ARHGAP28: variants seen among roughly 807,000 people sequenced by gnomAD.
ARHGAP28 encodes Rho GTPase activating protein 28.
ARHGAP28 carries 56 observed loss-of-function variants against 90.7 expected under a neutral mutation model. That is an observed-to-expected ratio of 0.62 (90% CI 0.50 to 0.77). The LOEUF is 0.77. ARHGAP28 is among the 30% of genes least tolerant of loss of function. The pLI is 0.00. For synonymous variants in ARHGAP28, 308 were observed against 323.3 expected (o/e 0.95, Z 0.51); for missense variants, 869 against 900.9 (o/e 0.96, Z 0.45).
At chr18:6,884,686 G>A (rs184907765) in intron 11 of ARHGAP28, among the ~76,000 whole-genome samples, 108 of 152,208 alleles carry the variant, frequency 7.1e-4, no homozygotes, top group Non-Finnish European at 1.1e-3. Flanking sequence ...ATCCTTCGCC[G>A]TGTTACCCCA....
intron 1 of ARHGAP28, among the ~76,000 whole-genome samples, chr18:6,770,787 TG>T (rs1418197765): frequency 3.3e-5 from 5 of 149,970 alleles, no homozygotes; most frequent in South Asian, 4.3e-4. Context: ...GTGTGGGAGG[TG>T]GGGGGTGGGG....
chr18:6,898,643 A>G (rs1364278300), intron 16 of ARHGAP28: 2 of 1,516,384 alleles, frequency 1.3e-6, no homozygotes, highest in Non-Finnish European at 1.8e-6. Context: ...AGTTACATAT[A>G]CTACAAAACT....
At chr18:6,882,860 T>G (rs988877631) in intron 11 of ARHGAP28, among the ~76,000 whole-genome samples, 1 of 152,166 alleles carries the variant, frequency 6.6e-6, no homozygotes, top group African/African-American at 2.4e-5. Flanking sequence ...TTAAGTGAAG[T>G]ATGTGGGCAA....
Position 6,735,946 on chromosome 18 carries a change from TA to T in ARHGAP28, c.122+6005del, listed in dbSNP as rs1292587825. ...CGGGTATGCGACGTTGACATCTTAC[TA>T]ACGTTGGTGTTAGGTTTGATCTTCG... On this transcript the variant is annotated intron_variant, in intron 1 of 17. Transcript: ENST00000383472. Among the ~76,000 whole-genome samples, 3 of 152,202 alleles carry T rather than the reference TA, an allele frequency of 2.0e-5. No homozygotes were observed. In the East Asian group the frequency reaches 5.8e-4, roughly 29 times the overall value.
intron 1 of ARHGAP28, among the ~76,000 whole-genome samples, chr18:6,749,743 A>G (rs1038975955): frequency 9.8e-5 from 15 of 152,302 alleles, no homozygotes; most frequent in African/African-American, 3.6e-4. Context: ...AGGCCTTGGT[A>G]TAGATGACAT....
intron 1 of ARHGAP28, among the ~76,000 whole-genome samples, chr18:6,738,688 C>G (rs1037122202): frequency 6.6e-6 from 1 of 152,070 alleles, no homozygotes; most frequent in Non-Finnish European, 1.5e-5. Flanking sequence ...CACTACAACA[C>G]AAAAATTTAT....
chr18:6,870,872 C>A (rs2057080389), intron 7 of ARHGAP28, 140 bp downstream of exon 7: 4 of 845,404 alleles, frequency 4.7e-6, no homozygotes, highest in South Asian at 1.9e-5. Flanking sequence ...GCGATCTCGG[C>A]TCACTGCAAG....
Position 6,800,247 on chromosome 18 carries a change from T to A in ARHGAP28, c.123-24515T>A, listed in dbSNP as rs554302262. 5.9e-5 allele frequency among the ~76,000 whole-genome samples: 9 copies of A among 152,348 alleles called. 1 individual carries two copies. In the South Asian group the frequency reaches 1.9e-3, roughly 32 times the overall value. ...AGGATGTGGAGAAATAGGAACACTTTTACACTGTTGGTGGGAGTGTAAATT... is the reference window on the plus strand; with the variant it reads ...AGGATGTGGAGAAATAGGAACACTTATACACTGTTGGTGGGAGTGTAAATT... On this transcript the variant is annotated intron_variant, in intron 1 of 17. Coordinates refer to ENST00000383472, the MANE Select transcript of ARHGAP28 (RefSeq NM_001366230.1).
chr18:6,839,778 T>C (rs1255306469), intron 3 of ARHGAP28, among the ~76,000 whole-genome samples: 1 of 152,210 alleles, frequency 6.6e-6, no homozygotes, highest in African/African-American at 2.4e-5. Context: ...AAAGGAAAAC[T>C]TTGTTTCCTA....
At chr18:6,785,621 T>C (rs1372211491) in intron 1 of ARHGAP28, among the ~76,000 whole-genome samples, 1 of 152,234 alleles carries the variant, frequency 6.6e-6, no homozygotes, top group African/African-American at 2.4e-5. Context: ...CCCTGGTATG[T>C]TGTAACCCTT....
chr18:6,761,079 G>A (rs1054783025), intron 1 of ARHGAP28, among the ~76,000 whole-genome samples: 3 of 151,246 alleles, frequency 2.0e-5, no homozygotes, highest in African/African-American at 4.9e-5. Context: ...TATATTATAC[G>A]ATTCCCTTTA....
intron 2 of ARHGAP28, among the ~76,000 whole-genome samples, chr18:6,825,682 C>T (rs756384965): frequency 9.2e-5 from 14 of 152,048 alleles, no homozygotes; most frequent in Non-Finnish European, 1.3e-4. Context: ...GTTTAGTGCC[C>T]GCTTACAAGT....
chr18:6,783,880 A>G (rs2056346466), intron 1 of ARHGAP28, among the ~76,000 whole-genome samples: 1 of 152,038 alleles, frequency 6.6e-6, no homozygotes, highest in African/African-American at 2.4e-5. Context: ...ACCCTGGCCT[A>G]CTGCTCCTGT....
chr18:6,837,096 A>G, intron 2 of ARHGAP28, 101 bp from the exon 3 acceptor site: 1 of 879,834 alleles, frequency 1.1e-6, no homozygotes, highest in South Asian at 1.8e-5. Flanking sequence ...TGTAGAAAAA[A>G]AATACAAATA....
chr18:6,860,943 C>T (rs1317196761), intron 5 of ARHGAP28, among the ~76,000 whole-genome samples: 1 of 152,230 alleles, frequency 6.6e-6, no homozygotes, highest in Non-Finnish European at 1.5e-5. Context: ...TCAGCTCTTA[C>T]TTTCCCATTC....
intron 5 of ARHGAP28, among the ~76,000 whole-genome samples, chr18:6,863,931 C>T (rs150884366): frequency 0.036 from 5,473 of 151,902 alleles, 314 homozygotes; most frequent in African/African-American, 0.12. Flanking sequence ...TACAGATGCC[C>T]GCCACCACAC....
intron 1 of ARHGAP28, among the ~76,000 whole-genome samples, chr18:6,772,467 C>A (rs1478212003): frequency 2.0e-5 from 3 of 152,166 alleles, no homozygotes; most frequent in African/African-American, 7.2e-5. Context: ...GACATGTGTT[C>A]TGTAGAGACC....
chr18:6,798,989 A>G lies in ARHGAP28; in HGVS notation c.123-25773A>G, dbSNP rs573222178. On this transcript the variant is annotated intron_variant, in intron 1 of 17. Transcript: ENST00000383472. ...CTGATTCCAAGTAGTTTAAAATTTAATAATTGAGATGAATCATGTCTTCCA... is the reference window on the plus strand; with the variant it reads ...CTGATTCCAAGTAGTTTAAAATTTAGTAATTGAGATGAATCATGTCTTCCA... Among the ~76,000 whole-genome samples, 3 of 152,360 alleles carry G rather than the reference A, an allele frequency of 2.0e-5. No homozygotes were observed. The South Asian group carries it at 6.2e-4, about 32-fold the overall frequency.
At position 6,870,857 on chromosome 18, in the gene ARHGAP28, G is replaced by A. The variant is rs573015270; in HGVS notation, c.954+125G>A. On this transcript the variant is annotated intron_variant, in intron 7 of 17. Transcript: ENST00000383472. ...CTCTATTGCCCCAGGCTGGAGTGCA[G>A]TGGCGCGATCTCGGCTCACTGCAAG... 311 of 1,030,200 alleles carry A rather than the reference G, an allele frequency of 3.0e-4. 5 individuals carry two copies. The South Asian group carries it at 4.4e-3, about 15-fold the overall frequency. The allele number at this position is 1,030,200 out of a possible 1,614,324, so 63.8% of individuals were successfully genotyped here.
Sources: gnomAD v4.1 joint callset for allele counts (sites outside exome capture counted in the v4.1 genomes callset) on GRCh38, gnomAD v4.1.1 for gene constraint, MANE v1.5 for transcripts, NCBI Gene and HGNC (gene_info 2026-07-23, HGNC 2026-07-21) for gene names.